BACE2: variants seen among roughly 807,000 people sequenced by gnomAD.
BACE2 encodes the protein beta-secretase 2, also known as 56 kDa aspartic-like protease.
In BACE2, 17 loss-of-function variants were observed where a neutral mutation model predicts 46.2. The observed-to-expected ratio is 0.37, with a 90% confidence interval of 0.25 to 0.55. The LOEUF (loss-of-function observed/expected upper bound fraction) is 0.55. Ranked by LOEUF, BACE2 falls within the 20% of genes least tolerant of loss-of-function variation. BACE2 has a pLI of 0.82. For synonymous variants in BACE2, 277 were observed against 295.9 expected (o/e 0.94, Z 0.66); for missense variants, 595 against 698.1 (o/e 0.85, Z 1.66).
In BACE2 at chr21:41,280,656, AAT is replaced by A. The variant is rs2088537559; in HGVS notation, c.*5033_*5034del. The A allele has an allele frequency of 6.6e-6, 1 of 152,222 alleles. No homozygotes were observed. The highest frequency in any genetic ancestry group is 1.5e-5 in the Non-Finnish European group (1 of 68,066). The allele number at this position is 152,222 out of a possible 1,614,324, so 9.4% of individuals were successfully genotyped here. A position where few individuals can be genotyped will look rare whatever the true frequency, so the allele number is the denominator to read the frequency against. ...GTCACCCTGTTAGCCACATCTGCGG[AAT>A]GTGGAAGGCAGAACATAGCCACGCT... On this transcript the variant is annotated 3_prime_UTR_variant, in exon 9 of 9. Coordinates refer to ENST00000330333, the MANE Select transcript of BACE2 (RefSeq NM_012105.5).
chr21:41,178,705 C>G (rs1984954873), intron 1 of BACE2: 1 of 165,814 alleles, frequency 6.0e-6, no homozygotes, highest in African/African-American at 2.4e-5. Flanking sequence ...CCACTGCACT[C>G]CAGCATGTGC....
chr21:41,275,451 T>C lies in BACE2; in HGVS notation c.1384T>C (p.Ser462Pro), dbSNP rs146675182. 9 of 1,614,018 alleles carry C rather than the reference T, an allele frequency of 5.6e-6. No homozygotes were observed. In the African/African-American group the frequency reaches 1.1e-4, roughly 19 times the overall value. The change falls in exon 9 of 9, where the codon TCT becomes CCT. Residue 462 changes from serine to proline, a missense_variant. Physicochemically the swap from Ser to Pro is moderately conservative, Grantham distance 74. Coordinates refer to ENST00000330333, the MANE Select transcript of BACE2 (RefSeq NM_012105.5). ...DVASNCVPAQ[S>P]LSEPILWIVS... ...AGCCAGCAACTGTGTCCCCGCTCAG[T>C]CTTTGAGCGAGCCCATTTTGTGGAT... is the stretch of plus-strand genomic sequence containing the variant.
chr21:41,219,840 G>A (rs1803680021), intron 1 of BACE2, among the ~76,000 whole-genome samples: 1 of 152,178 alleles, frequency 6.6e-6, no homozygotes, highest in Admixed American at 6.5e-5. Flanking sequence ...CAAATGTGCG[G>A]GGATTTCTCC....
intron 8 of BACE2, among the ~76,000 whole-genome samples, chr21:41,262,442 T>A (rs1282225971): frequency 3.3e-5 from 5 of 151,818 alleles, no homozygotes; most frequent in Admixed American, 3.3e-4. Context: ...TTTTATTTAT[T>A]TTTTTTTAGT....
At chr21:41,231,902 T>C (rs1986975345) in intron 2 of BACE2, among the ~76,000 whole-genome samples, 1 of 152,214 alleles carries the variant, frequency 6.6e-6, no homozygotes, top group Non-Finnish European at 1.5e-5. Context: ...TTTAAAGTGC[T>C]GGAAACTCTA....
intron 1 of BACE2, among the ~76,000 whole-genome samples, chr21:41,221,260 T>C (rs1268866719): frequency 3.3e-5 from 5 of 152,166 alleles, no homozygotes; most frequent in African/African-American, 1.2e-4. Context: ...CCCTGGCAGA[T>C]GCCCAGGACT....
intron 1 of BACE2, among the ~76,000 whole-genome samples, chr21:41,224,343 T>C (rs1291572556): frequency 6.7e-6 from 1 of 150,232 alleles, no homozygotes; most frequent in East Asian, 2.0e-4. Flanking sequence ...GCCTCCCAAG[T>C]AGCTGGGACT....
intron 2 of BACE2, chr21:41,230,157 T>C (rs1458466569): frequency 6.6e-6 from 1 of 152,242 alleles, no homozygotes; most frequent in Non-Finnish European, 1.5e-5. Context: ...GAGACCATTC[T>C]TCAACAGAAC....
chr21:41,222,214 G>A (rs992619611), intron 1 of BACE2, among the ~76,000 whole-genome samples: 1 of 152,200 alleles, frequency 6.6e-6, no homozygotes, highest in Non-Finnish European at 1.5e-5. Flanking sequence ...TAGGAAGCAC[G>A]TACAGCAGTG....
At chr21:41,174,132 C>G (rs4818217) in intron 1 of BACE2, among the ~76,000 whole-genome samples, 118,770 of 125,676 alleles carry the variant, frequency 0.95, 56,229 homozygotes, top group East Asian at 1. Context: ...CTGTTGTGAT[C>G]AGTGGCCTTT....
chr21:41,208,698 G>A (rs1986208053), intron 1 of BACE2, among the ~76,000 whole-genome samples: 1 of 152,150 alleles, frequency 6.6e-6, no homozygotes, highest in Admixed American at 6.5e-5. Flanking sequence ...AGGGGCTGCT[G>A]AGGATGGGGG....
Position 41,241,900 on chromosome 21 carries a change from G to A in BACE2, c.700G>A (p.Gly234Arg). 6.2e-7 allele frequency: 1 copy of A among 1,614,162 alleles called. No homozygotes were observed. Among genetic ancestry groups the A allele is most frequent in the Non-Finnish European group, 8.5e-7 (1 of 1,180,022 alleles). ...IPNVFSMQMC[G>R]AGLPVAGSGT... ...CAACGTTTTCTCCATGCAGATGTGTGGAGCCGGCTTGCCCGTTGCTGGATC... is the reference window on the plus strand; with the variant it reads ...CAACGTTTTCTCCATGCAGATGTGTAGAGCCGGCTTGCCCGTTGCTGGATC... The change falls in exon 4 of 9, where the codon GGA (glycine) becomes AGA (arginine). Residue 234 changes from glycine to arginine, a missense_variant. Gly to Arg is a moderately radical substitution (Grantham distance 125). This residue lies in a region of BACE2 where 343 missense variants were observed against 419.4 expected (regional missense o/e 0.82). Transcript: ENST00000330333.
chr21:41,197,940 G>A (rs1985797824), intron 1 of BACE2, among the ~76,000 whole-genome samples: 1 of 152,174 alleles, frequency 6.6e-6, no homozygotes, highest in Non-Finnish European at 1.5e-5. Flanking sequence ...GGGAGGATAT[G>A]CATAAGGGGT....
chr21:41,260,671 C>T (rs921775776), intron 8 of BACE2, among the ~76,000 whole-genome samples: 4 of 152,172 alleles, frequency 2.6e-5, no homozygotes, highest in South Asian at 2.1e-4. Context: ...GAGAGCATGA[C>T]GGGGCACCCA....
intron 6 of BACE2, among the ~76,000 whole-genome samples, chr21:41,248,715 C>T (rs374920913): frequency 1.3e-5 from 2 of 152,242 alleles, no homozygotes; most frequent in Non-Finnish European, 2.9e-5. Context: ...CCCAGCTGCA[C>T]GCCCTGGTGA....
At position 41,174,138 on chromosome 21, in the gene BACE2, C is replaced by CTTTTTTTTTTTTTTTTTTT. The variant is rs1568853912; in HGVS notation, c.312+5563_312+5564insTTTTTTTTTTTTTTTTTTT. Among the ~76,000 whole-genome samples the CTTTTTTTTTTTTTTTTTTT allele has an allele frequency of 3.8e-4, 27 of 70,642 alleles. 2 individuals are homozygous for CTTTTTTTTTTTTTTTTTTT. Among genetic ancestry groups the CTTTTTTTTTTTTTTTTTTT allele is most frequent in the South Asian group, 1.3e-3 (2 of 1,592 alleles). The allele number at this position is 70,642 out of a possible 152,430, so 46.3% of individuals were successfully genotyped here. A position where few individuals can be genotyped will look rare whatever the true frequency, so the allele number is the denominator to read the frequency against. On this transcript the variant is annotated intron_variant, in intron 1 of 8. Transcript: ENST00000330333. ...TAAGGATAGCTGTTGTGATCAGTGG[C>CTTTTTTTTTTTTTTTTTTT]CTTTTTTTTTTTTTTTTTTTTTTTT...
At chr21:41,225,954 C>T (rs1414195234) in intron 1 of BACE2, among the ~76,000 whole-genome samples, 2 of 152,180 alleles carry the variant, frequency 1.3e-5, no homozygotes, top group African/African-American at 4.8e-5. Flanking sequence ...TAAGAAAGAG[C>T]TCAGCCTTGG....
chr21:41,201,739 T>A (rs1985974461), intron 1 of BACE2, among the ~76,000 whole-genome samples: 1 of 152,200 alleles, frequency 6.6e-6, no homozygotes, highest in African/African-American at 2.4e-5. Flanking sequence ...GTGAGGAAAT[T>A]ATGTGGTGAA....
At chr21:41,179,672 A>C (rs1315006337) in intron 1 of BACE2, 1 of 1,340,324 alleles carries the variant, frequency 7.5e-7, no homozygotes, top group Non-Finnish European at 9.9e-7. Context: ...AGTAGAACAA[A>C]GGCCTTACAA....
Sources: gnomAD v4.1 joint callset for allele counts (sites outside exome capture counted in the v4.1 genomes callset) on GRCh38, gnomAD v4.1.1 for gene constraint, gnomAD v4.1.1 regional missense constraint, MANE v1.5 for transcripts, NCBI Gene and HGNC (gene_info 2026-07-23, HGNC 2026-07-21) for gene names.